KIAA1328: variants seen among roughly 807,000 people sequenced by gnomAD.
KIAA1328 encodes KIAA1328, also known as protein hinderin.
In KIAA1328, 52 loss-of-function variants were observed where a neutral mutation model predicts 68.1. That is an observed-to-expected ratio of 0.76 (90% CI 0.61 to 0.96). KIAA1328 has a LOEUF of 0.96. KIAA1328 is among the 40% of genes least tolerant of loss of function. The pLI is 0.00. For missense variants in KIAA1328, 641 were observed against 677.6 expected (o/e 0.95, Z 0.60); for synonymous variants, 232 against 239.4 (o/e 0.97, Z 0.28).
intron 7 of KIAA1328, among the ~76,000 whole-genome samples, chr18:37,131,203 G>A (rs2058514109): frequency 6.6e-6 from 1 of 152,170 alleles, no homozygotes; most frequent in Non-Finnish European, 1.5e-5. Context: ...GTTAACATAT[G>A]ACTATGTTCA....
chr18:36,850,942 G>C (rs1012695334), intron 4 of KIAA1328, among the ~76,000 whole-genome samples: 7 of 152,124 alleles, frequency 4.6e-5, no homozygotes, highest in Admixed American at 3.3e-4. Context: ...TAACATGTTA[G>C]CTGTGGGTTT....
intron 7 of KIAA1328, among the ~76,000 whole-genome samples, chr18:37,097,250 A>G (rs1053064164): frequency 5.3e-5 from 8 of 152,198 alleles, no homozygotes; most frequent in Non-Finnish European, 7.3e-5. Flanking sequence ...TAATTTTTGT[A>G]TAAGGTGTGA....
At chr18:36,852,174 T>C (rs1157599406) in intron 4 of KIAA1328, among the ~76,000 whole-genome samples, 4 of 152,208 alleles carry the variant, frequency 2.6e-5, no homozygotes, top group African/African-American at 7.2e-5. Context: ...TTAAAATATA[T>C]TGAGACTTGT....
At chr18:37,203,966 C>T (rs1349712880) in intron 9 of KIAA1328, among the ~76,000 whole-genome samples, 2 of 152,178 alleles carry the variant, frequency 1.3e-5, no homozygotes, top group African/African-American at 4.8e-5. Flanking sequence ...CCCGCCACCA[C>T]ACGCAGCTAA....
At chr18:37,064,385 C>T (rs1366314095) in intron 6 of KIAA1328, among the ~76,000 whole-genome samples, 1 of 152,156 alleles carries the variant, frequency 6.6e-6, no homozygotes, top group Non-Finnish European at 1.5e-5. Flanking sequence ...TCATTTGCAA[C>T]TATTGCGAAA....
intron 5 of KIAA1328, among the ~76,000 whole-genome samples, chr18:36,911,339 G>A (rs527948975): frequency 6.6e-6 from 1 of 152,188 alleles, no homozygotes; most frequent in Non-Finnish European, 1.5e-5. Flanking sequence ...TTCGAATTGT[G>A]ACTATGAATT....
chr18:37,094,620 A>G (rs913708427), intron 7 of KIAA1328, among the ~76,000 whole-genome samples: 5 of 152,172 alleles, frequency 3.3e-5, no homozygotes, highest in African/African-American at 7.2e-5. Context: ...CTACAAAAAT[A>G]AAAAAAGGCA....
In KIAA1328 at chr18:37,153,624, C is replaced by CTTTTTT. The variant is rs772159270; in HGVS notation, c.1233-6556_1233-6551dup. On this transcript the variant is annotated intron_variant, in intron 7 of 9. Coordinates refer to ENST00000280020, the MANE Select transcript of KIAA1328 (RefSeq NM_020776.3). ...CTTGGGAGCTGTGGCAATCCAATAG[C>CTTTTTT]TTTTTTTTTTTTTTTTTTTTTTTTT... Among the ~76,000 whole-genome samples the CTTTTTT allele has an allele frequency of 4.2e-5, 4 of 95,662 alleles. 1 individual carries two copies. The highest frequency in any genetic ancestry group is 8.3e-5 in the African/African-American group (2 of 24,078). The allele number at this position is 95,662 out of a possible 152,430, so 62.8% of individuals were successfully genotyped here.
At chr18:37,216,139 A>G (rs542985873) in intron 9 of KIAA1328, among the ~76,000 whole-genome samples, 17 of 151,902 alleles carry the variant, frequency 1.1e-4, no homozygotes, top group South Asian at 4.2e-4. Flanking sequence ...TTGTGTCTCT[A>G]TCTCCTTCAG....
At chr18:37,007,712 G>C (rs2053832794) in intron 6 of KIAA1328, among the ~76,000 whole-genome samples, 1 of 152,098 alleles carries the variant, frequency 6.6e-6, no homozygotes, top group South Asian at 2.1e-4. Flanking sequence ...GCCACCAAAA[G>C]GCTTTTGGCT....
chr18:36,999,680 T>TAGTCCTCA (rs1448223010), intron 6 of KIAA1328, among the ~76,000 whole-genome samples: 1 of 152,046 alleles, frequency 6.6e-6, no homozygotes, highest in African/African-American at 2.4e-5. Flanking sequence ...CCAGCAAAAT[T>TAGTCCTCA]AGTCCTCATA....
At chr18:37,197,975 T>G (rs1001576010) in intron 9 of KIAA1328, among the ~76,000 whole-genome samples, 1 of 152,166 alleles carries the variant, frequency 6.6e-6, no homozygotes, top group Non-Finnish European at 1.5e-5. Context: ...GAATGGATAA[T>G]AAAATGTGGT....
chr18:37,227,464 A>G (rs1045788071), downstream of KIAA1328, among the ~76,000 whole-genome samples: 1 of 152,224 alleles, frequency 6.6e-6, no homozygotes, highest in Non-Finnish European at 1.5e-5. Context: ...TTAGGGGCTA[A>G]TGTAGTTAGT....
At chr18:37,165,178 TG>T (rs2059361447) in intron 8 of KIAA1328, among the ~76,000 whole-genome samples, 2 of 152,192 alleles carry the variant, frequency 1.3e-5, no homozygotes, top group Non-Finnish European at 2.9e-5. Context: ...CGTCATATTC[TG>T]AGGTGTCCTG....
At chr18:37,131,898 G>A (rs996043708) in intron 7 of KIAA1328, among the ~76,000 whole-genome samples, 1 of 152,120 alleles carries the variant, frequency 6.6e-6, no homozygotes, top group Non-Finnish European at 1.5e-5. Flanking sequence ...GAATGCCAGG[G>A]CATACATAGC....
chr18:37,102,675 A>G (rs1313250381), intron 7 of KIAA1328, among the ~76,000 whole-genome samples: 1 of 152,206 alleles, frequency 6.6e-6, no homozygotes, highest in Admixed American at 6.5e-5. Context: ...GAAGAAAACA[A>G]GGATGCTCAC....
At chr18:37,170,897 G>T (rs1187433963) in intron 8 of KIAA1328, among the ~76,000 whole-genome samples, 1 of 152,102 alleles carries the variant, frequency 6.6e-6, no homozygotes, top group Non-Finnish European at 1.5e-5. Flanking sequence ...GAGATAGAGA[G>T]GGGGCTAGGA....
chr18:36,936,326 C>T (rs1054594426), intron 5 of KIAA1328, among the ~76,000 whole-genome samples: 1 of 152,108 alleles, frequency 6.6e-6, no homozygotes, highest in Admixed American at 6.5e-5. Flanking sequence ...CTCTCTGTGT[C>T]CATGTGTTCT....
intron 6 of KIAA1328, among the ~76,000 whole-genome samples, chr18:37,028,595 C>G (rs1344080611): frequency 2.6e-5 from 4 of 151,364 alleles, no homozygotes; most frequent in South Asian, 2.1e-4. Context: ...ATGTCCTTGT[C>G]TTGTTCTGGT....
Sources: gnomAD v4.1 joint callset for allele counts (sites outside exome capture counted in the v4.1 genomes callset) on GRCh38, gnomAD v4.1.1 for gene constraint, MANE v1.5 for transcripts, NCBI Gene and HGNC (gene_info 2026-07-23, HGNC 2026-07-21) for gene names.